ADGRD1: variants seen among roughly 807,000 people sequenced by gnomAD.
ADGRD1 encodes adhesion G protein-coupled receptor D1, also known as G-protein coupled receptor 133.
ADGRD1 carries 77 observed loss-of-function variants against 113.4 expected under a neutral mutation model. The observed-to-expected ratio is 0.68, with a 90% CI of 0.57 to 0.82. ADGRD1 has a LOEUF of 0.82. Among genes scored for constraint, ADGRD1 ranks in the 40% least tolerant of loss-of-function variants. The probability of loss-of-function intolerance (pLI) is 0.00; values close to 1 mark genes in which losing one functional copy is unlikely to be tolerated. For synonymous variants in ADGRD1, 474 were observed against 475.0 expected (o/e 1.00, Z 0.03); for missense variants, 1,036 against 1,139.1 (o/e 0.91, Z 1.30).
In ADGRD1 at chr12:131,141,304, T is replaced by A. The variant is rs1488471565; in HGVS notation, c.*2041T>A. The A allele has an allele frequency of 6.6e-6, 1 of 152,278 alleles. No individual in the cohort carries two copies. Among genetic ancestry groups the A allele is most frequent in the Non-Finnish European group, 1.5e-5 (1 of 68,046 alleles). 9.4% of individuals were successfully genotyped at this position (152,278 alleles called of 1,614,324 possible). ...AGTCATGCACTTTATTTATAGGCTC[T>A]ATGTTTTGGCTTCTGCAGTACTTTT... On this transcript the variant is annotated 3_prime_UTR_variant, in exon 25 of 25. Transcript: ENST00000261654.
At chr12:131,049,708 C>T (rs1216876139) in intron 13 of ADGRD1, among the ~76,000 whole-genome samples, 3 of 152,096 alleles carry the variant, frequency 2.0e-5, no homozygotes, top group Non-Finnish European at 2.9e-5. Flanking sequence ...CGAGCAGGGG[C>T]GGCCGTGTAG....
rs1200882589 is a variant in ADGRD1, at chr12:131,070,997, C to T, written c.1474-5804C>T. 1.6e-5 allele frequency: 8 copies of T among 510,580 alleles called. No individual in the cohort carries two copies. In the East Asian group the frequency reaches 4.4e-4, roughly 28 times the overall value. 31.6% of individuals were successfully genotyped at this position (510,580 alleles called of 1,614,324 possible). On this transcript the variant is annotated intron_variant, in intron 13 of 24. Coordinates refer to ENST00000261654, the MANE Select transcript of ADGRD1 (RefSeq NM_198827.5). ...GGGAATGTAAGAGAGGCTGGAGCCA[C>T]TTGATAGAGGGTGGGGCCATGTACA...
chr12:131,131,271 C>G (rs1291185832), intron 20 of ADGRD1, among the ~76,000 whole-genome samples: 1 of 152,206 alleles, frequency 6.6e-6, no homozygotes, highest in Non-Finnish European at 1.5e-5. Context: ...CGCACAGCCG[C>G]AGGCCTGGGC....
chr12:131,121,715 G>A (rs945173682), intron 20 of ADGRD1, among the ~76,000 whole-genome samples: 1 of 152,166 alleles, frequency 6.6e-6, no homozygotes, highest in African/African-American at 2.4e-5. Context: ...GGGATTTACA[G>A]GTTCCTGAGT....
intron 21 of ADGRD1, 105 bp from the exon 22 acceptor site, chr12:131,135,932 G>C: frequency 8.0e-7 from 1 of 1,253,502 alleles, no homozygotes; most frequent in African/African-American, 1.5e-5. Context: ...GCTCCCGGCA[G>C]GGCGGTGCCT....
chr12:131,124,174 C>A (rs1293737747), intron 20 of ADGRD1, among the ~76,000 whole-genome samples: 1 of 152,178 alleles, frequency 6.6e-6, no homozygotes, highest in Non-Finnish European at 1.5e-5. Flanking sequence ...AGGGTTTGTG[C>A]CATCTGGGCC....
At chr12:131,104,674 C>T (rs935641495) in intron 15 of ADGRD1, among the ~76,000 whole-genome samples, 157 bp from the exon 16 acceptor site, 6 of 152,140 alleles carry the variant, frequency 3.9e-5, no homozygotes, top group African/African-American at 4.8e-5. Context: ...CGGCCTCTGT[C>T]GGTGGCAGCA....
At chr12:131,032,053 G>C (rs1431616769) in intron 13 of ADGRD1, among the ~76,000 whole-genome samples, 1 of 152,188 alleles carries the variant, frequency 6.6e-6, no homozygotes, top group Admixed American at 6.5e-5. Context: ...GATAGAGGGG[G>C]TGACATTGCT....
intron 5 of ADGRD1, among the ~76,000 whole-genome samples, chr12:130,985,014 A>C (rs1162300867): frequency 2.0e-5 from 3 of 151,570 alleles, no homozygotes; most frequent in Non-Finnish European, 4.4e-5. Flanking sequence ...AGCTTACTGC[A>C]GCGTTTAACT....
chr12:131,123,038 A>ATTT (rs1950636788), intron 20 of ADGRD1, among the ~76,000 whole-genome samples: 2 of 35,386 alleles, frequency 5.7e-5, no homozygotes, highest in Non-Finnish European at 5.9e-5. Flanking sequence ...TTACCTGGGG[A>ATTT]GTTTTTTTTT....
At chr12:130,992,837 G>C (rs982227526) in intron 8 of ADGRD1, among the ~76,000 whole-genome samples, 1 of 152,040 alleles carries the variant, frequency 6.6e-6, no homozygotes, top group African/African-American at 2.4e-5. Context: ...CAACATTTAT[G>C]GCATTAAAAT....
chr12:131,036,376 C>T (rs976569924), intron 13 of ADGRD1, among the ~76,000 whole-genome samples: 8 of 151,216 alleles, frequency 5.3e-5, no homozygotes, highest in Non-Finnish European at 1.2e-4. Context: ...GGGCCTCACT[C>T]ACTGCACTGG....
chr12:131,050,675 G>T lies in ADGRD1; in HGVS notation c.1474-26126G>T, dbSNP rs1397643427. On this transcript the variant is annotated intron_variant, in intron 13 of 24. Coordinates refer to ENST00000261654, the MANE Select transcript of ADGRD1 (RefSeq NM_198827.5). This position sits in a 1 kb window ranked among gnomAD's most constrained non-coding sequence, Gnocchi z 4.8. ...TGATCGTGGGGACAGTGCCAAGAGG[G>T]ATGGTGTTAAGCCAGCGGTCCCCAG... Among the ~76,000 whole-genome samples, 1 of 152,114 alleles carries T rather than the reference G, an allele frequency of 6.6e-6. No homozygotes were observed. Among genetic ancestry groups the T allele is most frequent in the East Asian group, 1.9e-4 (1 of 5,174 alleles).
chr12:131,115,534 C>T (rs1950444579), intron 18 of ADGRD1, among the ~76,000 whole-genome samples: 1 of 146,958 alleles, frequency 6.8e-6, no homozygotes. Flanking sequence ...GCCTTCGCTT[C>T]ACCCACCTCG....
At position 131,113,299 on chromosome 12, in the gene ADGRD1, A is replaced by T. The variant is rs1335753748; in HGVS notation, c.2041+4422A>T. On this transcript the variant is annotated intron_variant, in intron 18 of 24. Transcript: ENST00000261654. The surrounding 1 kb of genome is among the most constrained non-coding windows in gnomAD (Gnocchi z 4.9). Reference sequence around the variant, plus strand: ...TTTTCAGTGATAGCTGTCTCTGGGGAGGGGTCTGCTGAGCGACTTGTGCTG... The same window carrying T: ...TTTTCAGTGATAGCTGTCTCTGGGGTGGGGTCTGCTGAGCGACTTGTGCTG... 6.6e-6 allele frequency among the ~76,000 whole-genome samples: 1 copy of T among 151,284 alleles called. No homozygotes were observed. Among genetic ancestry groups the T allele is most frequent in the African/African-American group, 2.4e-5 (1 of 41,138 alleles).
In ADGRD1 at chr12:131,057,634, C is replaced by T. The variant is rs1883991837; in HGVS notation, c.1474-19167C>T. Among the ~76,000 whole-genome samples the T allele has an allele frequency of 6.6e-6, 1 of 152,196 alleles. No individual in the cohort carries two copies. The highest frequency in any genetic ancestry group is 1.5e-5 in the Non-Finnish European group (1 of 68,030). The stretch of plus-strand genomic sequence containing the variant: ...TTCCGTGTGTCATTGTCCTTTCCCG[C>T]AGTGTACGAGGACACTCAGATGGGA... On this transcript the variant is annotated intron_variant, in intron 13 of 24. Transcript: ENST00000261654. The surrounding 1 kb of genome is among the most constrained non-coding windows in gnomAD (Gnocchi z 4.2).
At chr12:131,097,347 C>T (rs952187730) in intron 15 of ADGRD1, among the ~76,000 whole-genome samples, 2 of 152,126 alleles carry the variant, frequency 1.3e-5, no homozygotes, top group African/African-American at 2.4e-5. Context: ...TCTGTTCAAA[C>T]ACACAGCAGC....
At chr12:131,008,367 G>A (rs1357211863) in intron 12 of ADGRD1, among the ~76,000 whole-genome samples, 5 of 152,224 alleles carry the variant, frequency 3.3e-5, no homozygotes, top group African/African-American at 1.2e-4. Context: ...TCTTTGTATT[G>A]TGTGCTGTCA....
chr12:131,138,744 G>A (rs1437104656), intron 24 of ADGRD1, among the ~76,000 whole-genome samples: 12 of 152,354 alleles, frequency 7.9e-5, no homozygotes, highest in Middle Eastern at 3.4e-3. Context: ...TAGGGACCAC[G>A]TCTGCCCTGC....
Sources: allele counts gnomAD v4.1 joint callset (sites outside exome capture counted in the v4.1 genomes callset), GRCh38; gene constraint gnomAD v4.1.1; non-coding constraint Gnocchi (gnomAD v3.1); transcripts MANE v1.5; gene names NCBI Gene and HGNC (gene_info 2026-07-23, HGNC 2026-07-21).